Variants in MOXD1 observed in about 807,000 individuals in gnomAD.
MOXD1 encodes DBH-like monooxygenase protein 1.
Under a neutral mutation model 66.6 loss-of-function variants are expected in MOXD1, and 62 were observed. That is an observed-to-expected ratio of 0.93 (90% CI 0.76 to 1.15). The LOEUF (loss-of-function observed/expected upper bound fraction) is 1.15, where lower values mean the gene tolerates loss of function less well. Ranked by LOEUF, MOXD1 falls within the 50% of genes most tolerant of loss-of-function variation. The pLI is 0.00. For missense variants in MOXD1, 847 were observed against 754.6 expected, an observed-to-expected ratio of 1.12 and a Z score of -1.44; for synonymous variants, 303 against 281.9, an observed-to-expected ratio of 1.07 and a Z score of -0.75.
chr6:132,333,601 T>C lies in MOXD1; in HGVS notation c.664-5007A>G, dbSNP rs146693689. ...TAATCTTGCTTGTAGCCTGGCTGTA[T>C]GATGGCAGAAGAAATAAATAAAAAG... On this transcript the variant is annotated intron_variant, in intron 4 of 11. Transcript: ENST00000367963. Among the ~76,000 whole-genome samples the C allele has an allele frequency of 1.5e-3, 232 of 152,300 alleles. 2 individuals are homozygous for C. Among genetic ancestry groups the C allele is most frequent in the African/African-American group, 5.5e-3 (227 of 41,550 alleles).
intron 10 of MOXD1, among the ~76,000 whole-genome samples, chr6:132,307,325 T>G (rs1031081523): frequency 2.0e-5 from 3 of 152,170 alleles, no homozygotes; most frequent in Admixed American, 2.0e-4. Flanking sequence ...CTAACTATTC[T>G]AAATATATAT....
chr6:132,298,071 C>T, intron 10 of MOXD1, 116 bp from the exon 11 acceptor site: 1 of 795,472 alleles, frequency 1.3e-6, no homozygotes, highest in Non-Finnish European at 1.8e-6. Flanking sequence ...ACATAGATAA[C>T]CTAATGCAAA....
intron 1 of MOXD1, among the ~76,000 whole-genome samples, chr6:132,398,940 A>C (rs1175219303): frequency 7.3e-5 from 11 of 151,258 alleles, no homozygotes; most frequent in East Asian, 1.9e-4. Context: ...TTTGTCAAAA[A>C]AAAAAAAAAA....
chr6:132,400,782 C>G (rs1322303011), intron 1 of MOXD1, among the ~76,000 whole-genome samples: 1 of 152,186 alleles, frequency 6.6e-6, no homozygotes, highest in Non-Finnish European at 1.5e-5. Flanking sequence ...TCTGTCCCTT[C>G]CCTCCTCTGA....
chr6:132,340,868 G>C (rs940419664), intron 4 of MOXD1, among the ~76,000 whole-genome samples: 2 of 151,768 alleles, frequency 1.3e-5, no homozygotes, highest in Admixed American at 1.3e-4. Context: ...GAATGGTCTC[G>C]ATCTCCTGAC....
intron 1 of MOXD1, chr6:132,392,041 A>C (rs1776776391): frequency 2.6e-6 from 2 of 762,096 alleles, no homozygotes; most frequent in South Asian, 4.0e-5. Context: ...ACAAAGCACC[A>C]GCTGAGCTGT....
chr6:132,321,427 A>T (rs761104623), intron 8 of MOXD1, among the ~76,000 whole-genome samples: 2 of 152,174 alleles, frequency 1.3e-5, no homozygotes, highest in Non-Finnish European at 2.9e-5. Context: ...GTCTCTAGTC[A>T]TGCCTTTATT....
At chr6:132,300,497 A>C (rs1044158959) in intron 10 of MOXD1, among the ~76,000 whole-genome samples, 7 of 152,180 alleles carry the variant, frequency 4.6e-5, no homozygotes, top group Non-Finnish European at 1.0e-4. Context: ...GAAAATCATC[A>C]GTCTGTAACC....
rs888513480 is a variant in MOXD1, at chr6:132,320,620, T to C, written c.1365+9A>G. 3 of 1,598,152 alleles carry C rather than the reference T, an allele frequency of 1.9e-6. No homozygotes were observed. The highest frequency in any genetic ancestry group is 1.7e-6 in the Non-Finnish European group (2 of 1,172,268). ...AAATGAACTTTAATAATAATAAAAG[T>C]TTTCTTACCCAAGTCATCTCAGCTC... On this transcript the variant is annotated intron_variant, in intron 9 of 11. Transcript: ENST00000367963.
rs9493300 is a variant in MOXD1, at chr6:132,387,748, A to G, written c.265-12971T>C. The stretch of plus-strand genomic sequence containing the variant: ...CAGTCTGGCAAAAAAGTGAAACTCC[A>G]TCTAAAAAAAAAAAAAAAAAAAAAA... On this transcript the variant is annotated intron_variant, in intron 1 of 11. Transcript: ENST00000367963. 8.1e-3 allele frequency among the ~76,000 whole-genome samples: 1,055 copies of G among 130,746 alleles called. 11 individuals carry two copies. Among genetic ancestry groups the G allele is most frequent in the African/African-American group, 0.029 (973 of 33,240 alleles). 85.8% of individuals were successfully genotyped at this position (130,746 alleles called of 152,430 possible).
chr6:132,395,564 T>C (rs1483429921), intron 1 of MOXD1, among the ~76,000 whole-genome samples: 1 of 152,084 alleles, frequency 6.6e-6, no homozygotes, highest in Non-Finnish European at 1.5e-5. Context: ...AATTAAAACT[T>C]TCACTTAAAA....
chr6:132,344,660 C>A (rs114502190), intron 4 of MOXD1, among the ~76,000 whole-genome samples: 1 of 152,162 alleles, frequency 6.6e-6, no homozygotes, highest in African/African-American at 2.4e-5. Flanking sequence ...TGGTGTTTTA[C>A]GCTGTTGTAC....
At chr6:132,311,959 G>A (rs1313195152) in intron 10 of MOXD1, among the ~76,000 whole-genome samples, 1 of 152,008 alleles carries the variant, frequency 6.6e-6, no homozygotes, top group Non-Finnish European at 1.5e-5. Flanking sequence ...AAGAGAAACA[G>A]CTATTGATGC....
chr6:132,390,663 T>C (rs1220815102), intron 1 of MOXD1: 1 of 151,532 alleles, frequency 6.6e-6, no homozygotes, highest in African/African-American at 2.4e-5. Flanking sequence ...GAAACAGTCA[T>C]ATGACAGCCA....
chr6:132,340,771 G>A lies in MOXD1; in HGVS notation c.664-12177C>T, dbSNP rs111538105. 7.9e-3 allele frequency among the ~76,000 whole-genome samples: 1,190 copies of A among 149,900 alleles called. 22 individuals are homozygous for A. The highest frequency in any genetic ancestry group is 0.028 in the African/African-American group (1,137 of 40,888). ...ACGCCATTCTCCTGCTTCAGCCTCT[G>A]GAGTAGCTGGGACTACAGGCGCCCG... On this transcript the variant is annotated intron_variant, in intron 4 of 11. Transcript: ENST00000367963.
intron 10 of MOXD1, among the ~76,000 whole-genome samples, chr6:132,315,061 T>C (rs927736732): frequency 6.6e-6 from 1 of 152,232 alleles, no homozygotes; most frequent in Non-Finnish European, 1.5e-5. Context: ...AGTGACTCAT[T>C]GTGCCTATAC....
At chr6:132,376,192 A>G (rs899067979) in intron 1 of MOXD1, among the ~76,000 whole-genome samples, 2 of 152,262 alleles carry the variant, frequency 1.3e-5, no homozygotes, top group African/African-American at 4.8e-5. Context: ...TTTAGAATAT[A>G]CATGCTGAAA....
chr6:132,315,306 G>T (rs747199484), intron 10 of MOXD1, among the ~76,000 whole-genome samples: 36 of 152,184 alleles, frequency 2.4e-4, no homozygotes, highest in Non-Finnish European at 4.8e-4. Flanking sequence ...TTGGAAGCTT[G>T]CGCCTGGTTT....
chr6:132,324,234 G>T (rs1775141246), intron 6 of MOXD1, 137 bp from the exon 7 acceptor site: 1 of 841,858 alleles, frequency 1.2e-6, no homozygotes. Context: ...AAACTGTCAT[G>T]AGGGAAAGGG....
Sources: allele counts gnomAD v4.1 joint callset (sites outside exome capture counted in the v4.1 genomes callset), GRCh38; gene constraint gnomAD v4.1.1; transcripts MANE v1.5; gene names NCBI Gene and HGNC (gene_info 2026-07-23, HGNC 2026-07-21).